The following CCDC40 variants were observed in gnomAD, a reference collection of about 807,000 sequenced individuals.
CCDC40 encodes the protein coiled-coil domain 40 molecular ruler complex subunit.
In CCDC40, 104 loss-of-function variants were observed where a neutral mutation model predicts 124.5. The observed-to-expected ratio is 0.84, with a 90% CI of 0.71 to 0.98. CCDC40 has a LOEUF of 0.98. Ranked by LOEUF, CCDC40 falls within the 50% of genes least tolerant of loss-of-function variation. The pLI is 0.00. For synonymous variants in CCDC40, 580 were observed against 602.9 expected (o/e 0.96, Z 0.56); for missense variants, 1,463 against 1,503.9 (o/e 0.97, Z 0.45).
At chr17:80,085,100 G>C (rs1418539244) in intron 13 of CCDC40, 112 bp downstream of exon 13, 1 of 1,358,214 alleles carries the variant, frequency 7.4e-7, no homozygotes, top group African/African-American at 1.4e-5. Flanking sequence ...GCACAGAACT[G>C]CCTCTTTCCC....
intron 12 of CCDC40, 66 bp downstream of exon 12, chr17:80,082,124 C>G: frequency 2.0e-6 from 3 of 1,469,384 alleles, no homozygotes; most frequent in Non-Finnish European, 1.9e-6. Flanking sequence ...GAGGGCAAGC[C>G]GTCCTGGAGG....
chr17:80,050,664 G>A (rs566807251), intron 7 of CCDC40, among the ~76,000 whole-genome samples: 3 of 152,290 alleles, frequency 2.0e-5, no homozygotes, highest in South Asian at 4.1e-4. Context: ...GGCTGGTCTC[G>A]AACTCCTGAC....
At chr17:80,042,466 G>A (rs1288581378) in intron 3 of CCDC40, among the ~76,000 whole-genome samples, 1 of 152,132 alleles carries the variant, frequency 6.6e-6, no homozygotes, top group Non-Finnish European at 1.5e-5. Flanking sequence ...CCAATTGTCT[G>A]TGGCTAGCAT....
chr17:80,054,937 TG>T (rs1465384564), intron 7 of CCDC40, among the ~76,000 whole-genome samples: 4 of 151,018 alleles, frequency 2.6e-5, no homozygotes, highest in Non-Finnish European at 4.4e-5. Context: ...ACTGTGCCAC[TG>T]CACTCCATCC....
Position 80,086,598 on chromosome 17 carries a change from T to C in CCDC40, c.2449+382T>C, listed in dbSNP as rs2038593881. The stretch of plus-strand genomic sequence containing the variant: ...GGTGCTGTCCCCACATCACCTCCAG[T>C]TGGGCTTAGAAAACCATTCCACCGG... On this transcript the variant is annotated intron_variant, in intron 14 of 19. Coordinates refer to ENST00000397545, the MANE Select transcript of CCDC40 (RefSeq NM_017950.4). The surrounding 1 kb of genome is among the most constrained non-coding windows in gnomAD (Gnocchi z 5.5). 3 of 289,080 alleles carry C rather than the reference T, an allele frequency of 1.0e-5. No homozygotes were observed. The highest frequency in any genetic ancestry group is 9.7e-5 in the South Asian group (3 of 30,990). The allele number at this position is 289,080 out of a possible 1,614,324, so 17.9% of individuals were successfully genotyped here.
chr17:80,071,295 A>C (rs1018707800), intron 10 of CCDC40, among the ~76,000 whole-genome samples: 8 of 152,174 alleles, frequency 5.3e-5, no homozygotes, highest in African/African-American at 1.9e-4. Context: ...CCGCAGCCAC[A>C]GCCCCTTTAC....
intron 10 of CCDC40, among the ~76,000 whole-genome samples, chr17:80,079,543 A>G (rs7222666): frequency 0.035 from 5,339 of 152,122 alleles, 269 homozygotes; most frequent in African/African-American, 0.11. Flanking sequence ...AATCATCCTC[A>G]TCGATCCATA....
intron 3 of CCDC40, among the ~76,000 whole-genome samples, chr17:80,042,654 T>C (rs1261817080): frequency 6.6e-6 from 1 of 152,200 alleles, no homozygotes; most frequent in Admixed American, 6.5e-5. Flanking sequence ...CTTTTCTTTC[T>C]TTTTCTTGCC....
At chr17:80,052,523 A>G (rs1369292119) in intron 7 of CCDC40, among the ~76,000 whole-genome samples, 1 of 152,230 alleles carries the variant, frequency 6.6e-6, no homozygotes, top group Non-Finnish European at 1.5e-5. Flanking sequence ...AGACACACCC[A>G]GGATCAATAC....
chr17:80,088,609 C>T (rs184402103), intron 16 of CCDC40, among the ~76,000 whole-genome samples: 1 of 152,312 alleles, frequency 6.6e-6, no homozygotes. Context: ...GAGTTCAAGA[C>T]AAGACGGGGC....
At chr17:80,085,578 CGGCCTTCGTCCA>C (rs1320217070) in intron 13 of CCDC40, among the ~76,000 whole-genome samples, 22 of 152,034 alleles carry the variant, frequency 1.4e-4, no homozygotes, top group Non-Finnish European at 1.5e-5. Context: ...TTGAGCCCCT[CGGCCTTCGTCCA>C]GTTTCATGAC....
intron 10 of CCDC40, among the ~76,000 whole-genome samples, chr17:80,077,611 G>C (rs572794756): frequency 6.6e-6 from 1 of 152,352 alleles, no homozygotes; most frequent in South Asian, 2.1e-4. Flanking sequence ...GAGAGTCCCA[G>C]TTGTTCCACA....
At chr17:80,062,445 C>G (rs1450955258) in intron 9 of CCDC40, among the ~76,000 whole-genome samples, 1 of 146,690 alleles carries the variant, frequency 6.8e-6, no homozygotes, top group African/African-American at 2.7e-5. Context: ...CTAATGCTAT[C>G]TCTCCCCCCT....
intron 18 of CCDC40, among the ~76,000 whole-genome samples, chr17:80,096,947 A>C (rs904819486): frequency 1.3e-5 from 2 of 151,976 alleles, no homozygotes; most frequent in Non-Finnish European, 2.9e-5. Context: ...CCCTTGGCAC[A>C]CGGCTGCTGA....
intron 7 of CCDC40, among the ~76,000 whole-genome samples, chr17:80,056,997 C>T (rs1251235935): frequency 7.2e-6 from 1 of 139,746 alleles, no homozygotes; most frequent in Non-Finnish European, 1.5e-5. Flanking sequence ...GCCGAGATCA[C>T]CACTGCACTC....
rs1260127860 is a variant in CCDC40 at position 80,058,706 on chromosome 17, A to C, written c.1317+55A>C. ...GATCACCAGACCGTGGAGCTTCAAA[A>C]AGGGGCTCAGCTTTGCCTCCTGCGT... On this transcript the variant is annotated intron_variant, in intron 8 of 19. Coordinates refer to ENST00000397545, the MANE Select transcript of CCDC40 (RefSeq NM_017950.4). The surrounding 1 kb of genome is among the most constrained non-coding windows in gnomAD (Gnocchi z 4.2). 6.2e-7 allele frequency: 1 copy of C among 1,609,594 alleles called. No individual in the cohort carries two copies. The highest frequency in any genetic ancestry group is 1.3e-5 in the African/African-American group (1 of 74,824).
intron 2 of CCDC40, among the ~76,000 whole-genome samples, chr17:80,039,492 A>C (rs2037217426): frequency 6.6e-6 from 1 of 150,902 alleles, no homozygotes; most frequent in African/African-American, 2.4e-5. Flanking sequence ...GCTCACTGCA[A>C]CCTCTGCCTT....
At chr17:80,077,070 G>C (rs2038327325) in intron 10 of CCDC40, among the ~76,000 whole-genome samples, 1 of 151,982 alleles carries the variant, frequency 6.6e-6, no homozygotes, top group Non-Finnish European at 1.5e-5. Context: ...TGATGCTATT[G>C]CACGCTTGAT....
intron 12 of CCDC40, among the ~76,000 whole-genome samples, chr17:80,083,220 G>A (rs1306809440): frequency 6.6e-6 from 1 of 152,012 alleles, no homozygotes; most frequent in Admixed American, 6.6e-5. Context: ...CAGTTGGGGA[G>A]GGGGGAGGCA....
Sources: gnomAD v4.1 joint callset for allele counts (sites outside exome capture counted in the v4.1 genomes callset) on GRCh38, gnomAD v4.1.1 for gene constraint, Gnocchi (gnomAD v3.1) non-coding constraint, MANE v1.5 for transcripts, NCBI Gene and HGNC (gene_info 2026-07-23, HGNC 2026-07-21) for gene names.